Variants in LRP6 observed in about 807,000 individuals in gnomAD.
The protein encoded by LRP6 is low-density lipoprotein receptor-related protein 6.
LRP6 carries 43 observed loss-of-function variants against 184.1 expected under a neutral mutation model. The ratio of observed to expected loss-of-function variants is 0.23; its 90% CI spans 0.18 to 0.30. The LOEUF (loss-of-function observed/expected upper bound fraction) is 0.30. Ranked by LOEUF, LRP6 falls within the 10% of genes least tolerant of loss-of-function variation. The pLI is 1.00. For synonymous variants in LRP6, 719 were observed against 684.9 expected (o/e 1.05, Z -0.78); for missense variants, 1,571 against 2,005.3 (o/e 0.78, Z 4.14).
intron 15 of LRP6, among the ~76,000 whole-genome samples, chr12:12,139,443 G>A (rs1949897983): frequency 6.6e-6 from 1 of 152,190 alleles, no homozygotes; most frequent in Non-Finnish European, 1.5e-5. Flanking sequence ...AAAATTTTAG[G>A]CCGGGTGCAG....
At chr12:12,183,953 T>A in intron 5 of LRP6, 27 bp downstream of exon 5, 1 of 1,607,118 alleles carries the variant, frequency 6.2e-7, no homozygotes, top group South Asian at 1.1e-5. Flanking sequence ...GTTATAAAAT[T>A]TTTCATTTTG....
intron 7 of LRP6, among the ~76,000 whole-genome samples, chr12:12,165,768 G>A (rs1862863087): frequency 6.6e-6 from 1 of 152,008 alleles, no homozygotes; most frequent in African/African-American, 2.4e-5. Flanking sequence ...TCTTTTTCAG[G>A]ACTTTTTCCA....
chr12:12,122,074 A>G (rs1189709133), intron 22 of LRP6, among the ~76,000 whole-genome samples: 1 of 152,230 alleles, frequency 6.6e-6, no homozygotes, highest in Admixed American at 6.5e-5. Flanking sequence ...CATCAAAATG[A>G]TAAAATTTAA....
chr12:12,178,283 T>C (rs904296393), intron 7 of LRP6, among the ~76,000 whole-genome samples: 21 of 152,202 alleles, frequency 1.4e-4, no homozygotes, highest in Non-Finnish European at 2.6e-4. Flanking sequence ...TAAAGTATTA[T>C]ACCTAAAGTG....
intron 1 of LRP6, among the ~76,000 whole-genome samples, chr12:12,266,324 G>A (rs1013009545): frequency 5.9e-5 from 9 of 152,164 alleles, no homozygotes; most frequent in African/African-American, 1.9e-4. Flanking sequence ...CATTTTAAAA[G>A]CCAAAATACG....
At chr12:12,141,412 C>G (rs1591878655) in intron 15 of LRP6, among the ~76,000 whole-genome samples, 1 of 152,188 alleles carries the variant, frequency 6.6e-6, no homozygotes, top group East Asian at 1.9e-4. Flanking sequence ...TTTCGAAATT[C>G]TGAGAGAAAA....
At chr12:12,201,959 T>A (rs1863923185) in intron 3 of LRP6, among the ~76,000 whole-genome samples, 1 of 152,350 alleles carries the variant, frequency 6.6e-6, no homozygotes, top group Admixed American at 6.5e-5. Flanking sequence ...TTATTCTTAG[T>A]TCAGGTAATT....
At chr12:12,154,326 A>C (rs1009065451) in intron 12 of LRP6, among the ~76,000 whole-genome samples, 8 of 152,114 alleles carry the variant, frequency 5.3e-5, no homozygotes, top group African/African-American at 1.9e-4. Context: ...TCATTTTTTC[A>C]GTAAGAACTT....
chr12:12,182,177 G>C (rs1393498023), intron 5 of LRP6, among the ~76,000 whole-genome samples: 1 of 152,108 alleles, frequency 6.6e-6, no homozygotes, highest in Non-Finnish European at 1.5e-5. Flanking sequence ...GCTAAGCCTA[G>C]TTTCCCCATC....
intron 2 of LRP6, among the ~76,000 whole-genome samples, chr12:12,234,831 A>T (rs1309494823): frequency 1.3e-5 from 2 of 152,204 alleles, no homozygotes; most frequent in East Asian, 3.8e-4. Context: ...GTCTCAAAAA[A>T]AAAAAGAATA....
At chr12:12,225,684 C>T (rs1407116522) in intron 2 of LRP6, among the ~76,000 whole-genome samples, 1 of 151,880 alleles carries the variant, frequency 6.6e-6, no homozygotes, top group Non-Finnish European at 1.5e-5. Context: ...CCAGCTGGAC[C>T]AACATAGTAA....
intron 11 of LRP6, 101 bp downstream of exon 11, chr12:12,159,679 A>G: frequency 3.7e-6 from 4 of 1,089,268 alleles, no homozygotes; most frequent in South Asian, 1.3e-5. Context: ...GGACACATTC[A>G]TATGAAGTTG....
chr12:12,254,304 G>A (rs747174496), intron 1 of LRP6, among the ~76,000 whole-genome samples: 9 of 152,144 alleles, frequency 5.9e-5, no homozygotes, highest in Non-Finnish European at 8.8e-5. Context: ...AGATGGGTTC[G>A]TGAGACTGCT....
intron 13 of LRP6, 70 bp from the exon 14 acceptor site, chr12:12,149,223 A>G: frequency 1.7e-6 from 2 of 1,170,180 alleles, no homozygotes; most frequent in South Asian, 2.4e-5. Flanking sequence ...ATCAGTCACA[A>G]TGCTTACACC....
At chr12:12,205,404 T>G (rs1864033252) in intron 2 of LRP6, among the ~76,000 whole-genome samples, 1 of 150,614 alleles carries the variant, frequency 6.6e-6, no homozygotes, top group African/African-American at 2.5e-5. Context: ...AATAAATGTG[T>G]TGAAACCCAA....
At chr12:12,144,631 A>G (rs1250436951) in intron 15 of LRP6, among the ~76,000 whole-genome samples, 1 of 152,168 alleles carries the variant, frequency 6.6e-6, no homozygotes, top group Non-Finnish European at 1.5e-5. Context: ...ACAGGGCAAA[A>G]CCCTTTCTCA....
chr12:12,155,215 CAA>C (rs1308800905), intron 12 of LRP6: 8 of 654,516 alleles, frequency 1.2e-5, no homozygotes, highest in South Asian at 1.1e-4. Flanking sequence ...AACAAACAAA[CAA>C]AAAGTCTTTC....
chr12:12,160,908 T>C (rs1862723442), intron 10 of LRP6, among the ~76,000 whole-genome samples: 1 of 152,242 alleles, frequency 6.6e-6, no homozygotes, highest in African/African-American at 2.4e-5. Flanking sequence ...TGAGGACATA[T>C]ATTCACTCAT....
Position 12,133,845 on chromosome 12 carries a change from TGGGGGGGG to T in LRP6, c.3733+1322_3733+1329del, listed in dbSNP as rs139201743. On this transcript the variant is annotated intron_variant, in intron 17 of 22. Transcript: ENST00000261349. ...TGATAGGGAAACACATGCTATTTTT[TGGGGGGGG>T]GGGGGGGGGAGGGTAAAGTAACCAT... Among the ~76,000 whole-genome samples, 69 of 39,934 alleles carry T rather than the reference TGGGGGGGG, an allele frequency of 1.7e-3. 5 individuals carry two copies. Among genetic ancestry groups the T allele is most frequent in the South Asian group, 6.9e-3 (5 of 720 alleles). 26.2% of individuals were successfully genotyped at this position (39,934 alleles called of 152,430 possible).
Sources: allele counts gnomAD v4.1 joint callset (sites outside exome capture counted in the v4.1 genomes callset), GRCh38; gene constraint gnomAD v4.1.1; transcripts MANE v1.5; gene names NCBI Gene and HGNC (gene_info 2026-07-23, HGNC 2026-07-21).